Variants in UGGT2 observed in about 807,000 individuals in gnomAD.
UGGT2 encodes the protein UDP-glucose glycoprotein glucosyltransferase 2, also known as UDP-glucose:glycoprotein glucosyltransferase 2.
UGGT2 carries 180 observed loss-of-function variants against 192.1 expected under a neutral mutation model. The observed-to-expected ratio is 0.94, with a 90% CI of 0.83 to 1.06. UGGT2 has a LOEUF of 1.06. Ranked by LOEUF, UGGT2 falls within the 50% of genes least tolerant of loss-of-function variation. The pLI, the probability that UGGT2 is intolerant of heterozygous loss-of-function variation, is 0.00. For synonymous variants in UGGT2, 580 were observed against 591.0 expected, an observed-to-expected ratio of 0.98 and a Z score of 0.27; for missense variants, 1,849 against 1,795.7, an observed-to-expected ratio of 1.03 and a Z score of -0.54.
In UGGT2 at chr13:95,814,434, G is replaced by A. The variant is rs979775417; in HGVS notation, c.4529-12622C>T. 1.1e-4 allele frequency among the ~76,000 whole-genome samples: 17 copies of A among 152,352 alleles called. 2 individuals are homozygous for A. The South Asian group carries it at 2.7e-3, about 24-fold the overall frequency. On this transcript the variant is annotated intron_variant, in intron 38 of 38. Coordinates refer to ENST00000376747, the MANE Select transcript of UGGT2 (RefSeq NM_020121.4). ...TTTATGATTTAATGACTGCCCTGCT[G>A]GGTTTTGGACCTGTGTGGGCCTGTA...
At chr13:96,002,359 TC>T (rs2051834028) in intron 5 of UGGT2, among the ~76,000 whole-genome samples, 1 of 152,264 alleles carries the variant, frequency 6.6e-6, no homozygotes, top group Admixed American at 6.5e-5. Context: ...CTCTCTGTCC[TC>T]TTCTTTTATA....
chr13:95,953,504 C>T (rs951294454), intron 12 of UGGT2, among the ~76,000 whole-genome samples: 1 of 152,014 alleles, frequency 6.6e-6, no homozygotes. Context: ...GTAATTTGAA[C>T]ACATTATTGA....
rs576372179 is a variant in UGGT2, at chr13:95,996,080, A to T, written c.813T>A (p.Phe271Leu). The T allele has an allele frequency of 6.2e-7, 1 of 1,613,768 alleles. No homozygotes were observed. Among genetic ancestry groups the T allele is most frequent in the Admixed American group, 1.7e-5 (1 of 59,970 alleles). The part of the protein sequence containing the change: ...DETETNEVQG[F>L]LFGKLKEIYS... ...AGACTTACTTTAGTTTCCCAAAGAG[A>T]AATCCTTGAACTTCATTTGTTTCAG... Residue 271 changes from phenylalanine (F) to leucine (L), a missense_variant, in exon 7 of 39, where the codon TTT (phenylalanine) becomes TTA (leucine). Transcript: ENST00000376747.
intron 7 of UGGT2, 102 bp downstream of exon 7, chr13:95,995,961 A>G (rs1175985786): frequency 8.4e-6 from 8 of 953,786 alleles, no homozygotes; most frequent in Non-Finnish European, 1.3e-5. Context: ...TGTACTTTCT[A>G]CATAAAAGAA....
intron 20 of UGGT2, among the ~76,000 whole-genome samples, chr13:95,918,373 TA>T (rs2048743514): frequency 6.6e-6 from 1 of 152,100 alleles, no homozygotes; most frequent in African/African-American, 2.4e-5. Context: ...TGGATGCAAC[TA>T]AAGCAGTGTT....
At chr13:95,804,046 T>C (rs969517789) in intron 38 of UGGT2, among the ~76,000 whole-genome samples, 1 of 151,896 alleles carries the variant, frequency 6.6e-6, no homozygotes, top group African/African-American at 2.4e-5. Context: ...AAAAGAAAGA[T>C]CTGTTAGAAA....
intron 20 of UGGT2, among the ~76,000 whole-genome samples, chr13:95,923,667 C>G (rs1030921450): frequency 1.3e-5 from 2 of 152,022 alleles, no homozygotes; most frequent in Non-Finnish European, 2.9e-5. Context: ...AAAACAAAAC[C>G]ACCTGAATTT....
chr13:95,907,177 G>A (rs1194190848), intron 20 of UGGT2, among the ~76,000 whole-genome samples: 4 of 152,224 alleles, frequency 2.6e-5, no homozygotes, highest in Non-Finnish European at 4.4e-5. Flanking sequence ...GTCTGAGATT[G>A]AACTGCAAGC....
intron 38 of UGGT2, among the ~76,000 whole-genome samples, chr13:95,827,751 T>A (rs758468970): frequency 1.3e-5 from 2 of 152,188 alleles, no homozygotes; most frequent in Non-Finnish European, 2.9e-5. Flanking sequence ...TTTGACCCAC[T>A]TCCTTGTAAC....
rs371903021 is a variant in UGGT2, at chr13:95,853,600, G to A, written c.4227C>T (p.Leu1409=). ...GACTGAGAGCTTGATACTGGCTCCT[G>A]AGCCTGTCACCTGCTCCAATTCTCC... ...KFRRIGAGDR[L]RSQYQALSQD... Residue 1409 remains leucine (L), a synonymous_variant, in exon 36 of 39, where the codon CTC becomes CTT. Transcript: ENST00000376747. 2.5e-6 allele frequency: 4 copies of A among 1,605,808 alleles called. No individual in the cohort carries two copies. The highest frequency in any genetic ancestry group is 1.3e-5 in the African/African-American group (1 of 74,414).
chr13:95,825,966 G>C (rs1056271718), intron 38 of UGGT2, among the ~76,000 whole-genome samples: 1 of 151,880 alleles, frequency 6.6e-6, no homozygotes, highest in Non-Finnish European at 1.5e-5. Flanking sequence ...CCAACCTGTA[G>C]GGCCAAGTGG....
Position 95,889,598 on chromosome 13 carries a change from C to G in UGGT2, c.2958+1264G>C, listed in dbSNP as rs569360284. Among the ~76,000 whole-genome samples the G allele has an allele frequency of 9.2e-5, 14 of 152,296 alleles. No individual in the cohort carries two copies. The South Asian group carries it at 2.7e-3, about 29-fold the overall frequency. ...TTTTCGATATCAGTAGCAAAACATACAGCCTTCTAATGGGACTAGCTTATT... is the reference window on the plus strand; with the variant it reads ...TTTTCGATATCAGTAGCAAAACATAGAGCCTTCTAATGGGACTAGCTTATT... On this transcript the variant is annotated intron_variant, in intron 25 of 38. Coordinates refer to ENST00000376747, the MANE Select transcript of UGGT2 (RefSeq NM_020121.4).
intron 29 of UGGT2, among the ~76,000 whole-genome samples, chr13:95,874,252 A>G (rs1891465448): frequency 6.6e-6 from 1 of 152,242 alleles, no homozygotes; most frequent in Non-Finnish European, 1.5e-5. Context: ...GTTCGAAGAC[A>G]TCCAGTGGAT....
chr13:95,931,642 G>A (rs1339494349), intron 17 of UGGT2, among the ~76,000 whole-genome samples: 1 of 152,112 alleles, frequency 6.6e-6, no homozygotes, highest in East Asian at 1.9e-4. Flanking sequence ...GAGAATTCGA[G>A]CACAGTGCTG....
At chr13:95,936,791 A>G (rs2049479601) in intron 17 of UGGT2, 133 bp downstream of exon 17, 2 of 936,546 alleles carry the variant, frequency 2.1e-6, no homozygotes, top group Admixed American at 7.0e-5. Context: ...TAAAAGTATC[A>G]TTTTAAAAAT....
chr13:95,939,722 T>C lies in UGGT2; in HGVS notation c.1812+235A>G, dbSNP rs550825607. On this transcript the variant is annotated intron_variant, in intron 16 of 38. Coordinates refer to ENST00000376747, the MANE Select transcript of UGGT2 (RefSeq NM_020121.4). ...TTCAAGTATAAAATATGTCATTAAC[T>C]ACAGTCACCACCATGTACAATAGAT... 3.9e-5 allele frequency among the ~76,000 whole-genome samples: 6 copies of C among 152,298 alleles called. No homozygotes were observed. In the East Asian group the frequency reaches 1.2e-3, roughly 29 times the overall value.
intron 29 of UGGT2, among the ~76,000 whole-genome samples, 178 bp from the exon 30 acceptor site, chr13:95,867,601 T>G (rs1344875904): frequency 1.3e-5 from 2 of 152,146 alleles, no homozygotes; most frequent in Non-Finnish European, 2.9e-5. Flanking sequence ...ATTTTCAAAA[T>G]TATCCAATAA....
intron 20 of UGGT2, among the ~76,000 whole-genome samples, chr13:95,904,755 T>C (rs1447797074): frequency 6.6e-6 from 1 of 152,152 alleles, no homozygotes; most frequent in African/African-American, 2.4e-5. Context: ...GCAATAAACA[T>C]ATGTGTGCAT....
intron 17 of UGGT2, among the ~76,000 whole-genome samples, chr13:95,928,102 T>C (rs1165725542): frequency 1.3e-5 from 2 of 152,234 alleles, no homozygotes; most frequent in African/African-American, 4.8e-5. Context: ...TCTCTCTTTC[T>C]TTTCCCCACA....
Sources: gnomAD v4.1 joint callset for allele counts (sites outside exome capture counted in the v4.1 genomes callset) on GRCh38, gnomAD v4.1.1 for gene constraint, MANE v1.5 for transcripts, NCBI Gene and HGNC (gene_info 2026-07-23, HGNC 2026-07-21) for gene names.